The following EXD1 variants were observed in gnomAD, a reference collection of about 807,000 sequenced individuals.
EXD1 encodes the protein exonuclease 3'-5' domain containing 1.
A neutral mutation model predicts 49.1 loss-of-function variants in EXD1; 63 were observed. The observed-to-expected ratio is 1.28, with a 90% CI of 1.05 to 1.58. EXD1 has a LOEUF of 1.58. Ranked by LOEUF, EXD1 falls within the 40% of genes most tolerant of loss-of-function variation. EXD1 has a pLI of 0.00. For synonymous variants in EXD1, 234 were observed against 239.2 expected (o/e 0.98, Z 0.20); for missense variants, 748 against 666.0 (o/e 1.12, Z -1.36).
chr15:41,215,367 G>A (rs2046983467), intron 6 of EXD1, among the ~76,000 whole-genome samples: 1 of 151,942 alleles, frequency 6.6e-6, no homozygotes, highest in South Asian at 2.1e-4. Flanking sequence ...TGAATTAATA[G>A]GAAAAAAAAT....
intron 7 of EXD1, among the ~76,000 whole-genome samples, chr15:41,206,443 TC>T (rs1389054713): frequency 7.7e-6 from 1 of 129,824 alleles, no homozygotes; most frequent in Admixed American, 9.2e-5. Context: ...ACCACTGCAC[TC>T]CAGCCTGGGC....
intron 7 of EXD1, among the ~76,000 whole-genome samples, chr15:41,208,734 A>G (rs1566986829): frequency 6.6e-6 from 1 of 152,074 alleles, no homozygotes; most frequent in Non-Finnish European, 1.5e-5. Flanking sequence ...CTGGTGACAG[A>G]GCAAGACTTT....
intron 11 of EXD1, among the ~76,000 whole-genome samples, chr15:41,188,803 C>CTTT (rs112364138): frequency 7.2e-5 from 8 of 110,498 alleles, no homozygotes; most frequent in Non-Finnish European, 1.1e-4. Flanking sequence ...TTTCTTTCTT[C>CTTT]TTTTTTTTTT....
chr15:41,191,309 G>T, intron 10 of EXD1, 133 bp downstream of exon 10: 1 of 750,508 alleles, frequency 1.3e-6, no homozygotes, highest in Non-Finnish European at 2.1e-6. Flanking sequence ...ATTCCCATTT[G>T]GTACAGTTAA....
At chr15:41,203,101 G>A (rs571913170) in intron 7 of EXD1, among the ~76,000 whole-genome samples, 2 of 151,958 alleles carry the variant, frequency 1.3e-5, no homozygotes, top group Non-Finnish European at 2.9e-5. Flanking sequence ...ACATGCTGTG[G>A]GAAATACTGA....
intron 2 of EXD1, among the ~76,000 whole-genome samples, chr15:41,224,627 AAGCTATTTC>A (rs2047134819): frequency 1.3e-5 from 2 of 152,192 alleles, no homozygotes; most frequent in Admixed American, 1.3e-4. Flanking sequence ...TATTAACACG[AAGCTATTTC>A]ATTGGATGCA....
intron 7 of EXD1, among the ~76,000 whole-genome samples, chr15:41,198,278 T>G (rs1486505841): frequency 1.3e-5 from 2 of 152,054 alleles, no homozygotes; most frequent in East Asian, 3.9e-4. Context: ...ATTAGAGGGC[T>G]GGGACTTTCA....
rs1378338537 is a variant in EXD1, at chr15:41,192,869, C to T, written c.721-1284G>A. On this transcript the variant is annotated intron_variant, in intron 9 of 11. Transcript: ENST00000458580. The stretch of plus-strand genomic sequence containing the variant: ...GGAGTGCTGTGGCGCGATCTCGGCT[C>T]ACTGCAAGCTCCGCCTCCCGGGTTC... 2.0e-5 allele frequency among the ~76,000 whole-genome samples: 3 copies of T among 148,340 alleles called. No homozygotes were observed. In the East Asian group the frequency reaches 5.9e-4, roughly 29 times the overall value.
intron 11 of EXD1, among the ~76,000 whole-genome samples, chr15:41,187,929 C>T (rs549534377): frequency 2.0e-5 from 3 of 146,890 alleles, no homozygotes; most frequent in East Asian, 4.1e-4. Flanking sequence ...GCAGGAGAAT[C>T]GCCTGAACCC....
chr15:41,218,780 T>C (rs2047043759), intron 3 of EXD1, among the ~76,000 whole-genome samples: 1 of 152,210 alleles, frequency 6.6e-6, no homozygotes, highest in Admixed American at 6.5e-5. Flanking sequence ...AGAGTGTTCA[T>C]GACAGCATAC....
At chr15:41,217,210 A>G (rs1397909121) in intron 3 of EXD1, 56 bp from the exon 4 acceptor site, 1 of 1,411,620 alleles carries the variant, frequency 7.1e-7, no homozygotes, top group Non-Finnish European at 9.9e-7. Flanking sequence ...TCAATTAACT[A>G]CTCCACTACC....
chr15:41,194,320 A>AT (rs998945681), intron 9 of EXD1, among the ~76,000 whole-genome samples: 6 of 151,954 alleles, frequency 3.9e-5, no homozygotes, highest in Admixed American at 3.3e-4. Flanking sequence ...CTGAAAAGTG[A>AT]TTTTTTTAAC....
chr15:41,202,163 TA>T (rs767957441), intron 7 of EXD1, among the ~76,000 whole-genome samples: 8,155 of 146,660 alleles, frequency 0.056, 594 homozygotes, highest in African/African-American at 0.16. Context: ...TATATATATA[TA>T]TATTTTTTTT....
At position 41,226,453 on chromosome 15, in the gene EXD1, GACA is replaced by G. The variant is rs1212173586; in HGVS notation, c.120_122del (p.Val41del). 4 of 1,535,816 alleles carry G rather than the reference GACA, an allele frequency of 2.6e-6. No homozygotes were observed. The highest frequency in any genetic ancestry group is 3.5e-6 in the Non-Finnish European group (4 of 1,146,858). On this transcript the variant is annotated inframe_deletion, in exon 2 of 12. Coordinates refer to ENST00000458580, the MANE Select transcript of EXD1 (RefSeq NM_001286441.2). Reference sequence around the variant, plus strand: ...GAAATAGAACAAGACCTTTCTTCAGGACAACAATCTTATTAGGGTCAACATGCT... The same window carrying G: ...GAAATAGAACAAGACCTTTCTTCAGGACAATCTTATTAGGGTCAACATGCT...
At chr15:41,229,692 C>T (rs1423134852) in intron 1 of EXD1, among the ~76,000 whole-genome samples, 2 of 152,094 alleles carry the variant, frequency 1.3e-5, no homozygotes, top group Non-Finnish European at 2.9e-5. Context: ...CGCTTGAACC[C>T]GGGAGGCGGA....
intron 6 of EXD1, among the ~76,000 whole-genome samples, chr15:41,214,481 CCA>C (rs1320831914): frequency 3.3e-5 from 5 of 151,546 alleles, no homozygotes; most frequent in African/African-American, 1.2e-4. Flanking sequence ...CCACCGAACT[CCA>C]GCCTGGGCCA....
chr15:41,229,463 ACTCTGT>A (rs1326738573), intron 1 of EXD1, among the ~76,000 whole-genome samples: 1 of 150,886 alleles, frequency 6.6e-6, no homozygotes, highest in African/African-American at 2.4e-5. Context: ...TCCAGCCCGG[ACTCTGT>A]CGCAAAAAAA....
In EXD1 at chr15:41,216,721, G is replaced by T. The variant is rs201884910; in HGVS notation, c.335C>A (p.Ala112Asp). 3.2e-5 allele frequency: 51 copies of T among 1,613,664 alleles called. No homozygotes were observed. Among genetic ancestry groups the T allele is most frequent in the Admixed American group, 1.0e-4 (6 of 59,994 alleles). The change falls in exon 5 of 12, where the codon GCC becomes GAC. Residue 112 changes from alanine to aspartate, a missense_variant. Transcript: ENST00000458580. Reference sequence around the variant, plus strand: ...CAGAGAGGTAGCTGGTGCTTCAGGGGCAGGAGAAGCAGGCTCACATACATT... The same window carrying T: ...CAGAGAGGTAGCTGGTGCTTCAGGGTCAGGAGAAGCAGGCTCACATACATT... ...DLNVCEPASPAPEAPATSLLN... is the reference protein window; with the variant it reads ...DLNVCEPASPDPEAPATSLLN...
rs1443466404 is a variant in EXD1, at chr15:41,190,009, G to A, written c.984C>T (p.Asp328=). Residue 328 remains aspartate (D), a synonymous_variant, in exon 11 of 12, where the codon GAC becomes GAT. Transcript: ENST00000458580. ...GGTAACCATCCACCAGGGTGGTTAG[G>A]TCAGACATCATCTCATCTAGGAGTG... The part of the protein sequence containing the change: ...RLALLDEMMS[D]LTTLVDGYLN... 1.9e-6 allele frequency: 3 copies of A among 1,614,006 alleles called. No individual in the cohort carries two copies. Among genetic ancestry groups the A allele is most frequent in the African/African-American group, 2.7e-5 (2 of 74,912 alleles).
Sources: gnomAD v4.1 joint callset for allele counts (sites outside exome capture counted in the v4.1 genomes callset) on GRCh38, gnomAD v4.1.1 for gene constraint, MANE v1.5 for transcripts, NCBI Gene and HGNC (gene_info 2026-07-23, HGNC 2026-07-21) for gene names.